LIMS1: variants seen among roughly 807,000 people sequenced by gnomAD.
LIMS1 encodes the protein LIM zinc finger domain containing 1, also known as LIM and senescent cell antigen-like-containing domain protein 1.
LIMS1 carries 18 observed loss-of-function variants against 44.1 expected under a neutral mutation model. That is an observed-to-expected ratio of 0.41 (90% CI 0.28 to 0.61). The LOEUF (loss-of-function observed/expected upper bound fraction) is 0.61. Ranked by LOEUF, LIMS1 falls within the 20% of genes least tolerant of loss-of-function variation. The pLI, the probability that LIMS1 is intolerant of heterozygous loss-of-function variation, is 0.32. For missense variants in LIMS1, 201 were observed against 422.0 expected (o/e 0.48, Z 4.59); for synonymous variants, 93 against 149.1 (o/e 0.62, Z 2.74).
intron 1 of LIMS1, among the ~76,000 whole-genome samples, chr2:108,607,898 G>A (rs1436803436): frequency 6.6e-6 from 1 of 152,188 alleles, no homozygotes; most frequent in Non-Finnish European, 1.5e-5. Flanking sequence ...TTGTGTGCCT[G>A]TAACATCTTC....
intron 1 of LIMS1, among the ~76,000 whole-genome samples, chr2:108,578,066 C>T (rs922996415): frequency 2.0e-5 from 3 of 152,152 alleles, no homozygotes; most frequent in Non-Finnish European, 2.9e-5. Context: ...TCCGCCACTG[C>T]GCCTGGCTAA....
At chr2:108,592,073 G>T (rs1490976982) in intron 1 of LIMS1, among the ~76,000 whole-genome samples, 1 of 152,148 alleles carries the variant, frequency 6.6e-6, no homozygotes, top group Non-Finnish European at 1.5e-5. Context: ...TGGATTACAG[G>T]TGTGAGCCAC....
In LIMS1 at chr2:108,680,769, A is replaced by G; in HGVS notation, c.898A>G (p.Lys300Glu). The stretch of plus-strand genomic sequence containing the variant: ...TACCTGCAACACTAAATTAACACTC[A>G]AGTAAGTGTACGGTTTTGTCCAGTG... Residue 300 changes from lysine to glutamate, a missense_variant and splice_region_variant, in exon 9 of 10, where the codon AAG (lysine) becomes GAG (glutamate). By Grantham distance (56) the Lys-to-Glu change is moderately conservative. Coordinates refer to ENST00000544547, the Ensembl canonical transcript of LIMS1. The G allele has an allele frequency of 6.2e-7, 1 of 1,609,892 alleles. No homozygotes were observed. The highest frequency in any genetic ancestry group is 1.1e-5 in the South Asian group (1 of 90,658).
intron 1 of LIMS1, among the ~76,000 whole-genome samples, chr2:108,547,756 T>G (rs1305542033): frequency 6.6e-6 from 1 of 152,204 alleles, no homozygotes; most frequent in Non-Finnish European, 1.5e-5. Flanking sequence ...ATACCAGCAT[T>G]TAAGGTCATT....
chr2:108,592,345 A>T (rs1686448228), intron 1 of LIMS1, among the ~76,000 whole-genome samples: 1 of 152,168 alleles, frequency 6.6e-6, no homozygotes, highest in Non-Finnish European at 1.5e-5. Context: ...TTTATACCCC[A>T]AATGTTGCCA....
intron 1 of LIMS1, among the ~76,000 whole-genome samples, chr2:108,552,934 A>G (rs1041318519): frequency 3.3e-5 from 5 of 152,102 alleles, no homozygotes; most frequent in Admixed American, 3.3e-4. Context: ...AGGCATAGAG[A>G]TAGATTGGGG....
chr2:108,584,052 A>T (rs1209659384), intron 1 of LIMS1, among the ~76,000 whole-genome samples: 1 of 152,122 alleles, frequency 6.6e-6, no homozygotes, highest in African/African-American at 2.4e-5. Context: ...CAAGGGATGG[A>T]TGGAAAAGGC....
chr2:108,623,217 GA>G (rs67168255), intron 1 of LIMS1, among the ~76,000 whole-genome samples: 56,169 of 151,120 alleles, frequency 0.37, 10,943 homozygotes, highest in Middle Eastern at 0.51. Context: ...TTTATGCCTG[GA>G]TTTTTTTTTT....
At position 108,675,713 on chromosome 2, in the gene LIMS1, A is replaced by G. The variant is rs182018090; in HGVS notation, c.531-165A>G. ...TTTGGTAGGAGTCTGAAACCTGTTCAGGCCTATTAATTCAGGTTATTCTGA... is the reference window on the plus strand; with the variant it reads ...TTTGGTAGGAGTCTGAAACCTGTTCGGGCCTATTAATTCAGGTTATTCTGA... On this transcript the variant is annotated intron_variant, in intron 5 of 9. Coordinates refer to ENST00000544547, the Ensembl canonical transcript of LIMS1. Among the ~76,000 whole-genome samples the G allele has an allele frequency of 4.5e-3, 681 of 152,304 alleles. 5 individuals carry two copies. Among genetic ancestry groups the G allele is most frequent in the South Asian group, 0.014 (69 of 4,826 alleles).
chr2:108,664,985 C>T (rs1449581593), intron 2 of LIMS1, among the ~76,000 whole-genome samples: 2 of 152,196 alleles, frequency 1.3e-5, no homozygotes, highest in Admixed American at 1.3e-4. Context: ...ATCTTACTAT[C>T]ATTAATTGCT....
intron 1 of LIMS1, among the ~76,000 whole-genome samples, chr2:108,620,161 G>A (rs1446173488): frequency 1.3e-5 from 2 of 152,164 alleles, no homozygotes; most frequent in African/African-American, 2.4e-5. Flanking sequence ...GGAATAAGAT[G>A]TAGACTTCCC....
At chr2:108,662,265 G>A in intron 2 of LIMS1, 1 of 1,612,070 alleles carries the variant, frequency 6.2e-7, no homozygotes, top group Admixed American at 1.7e-5. Context: ...TCATTAAGCA[G>A]CATGACCGCT....
chr2:108,677,050 T>C (rs1469641757), intron 7 of LIMS1: 1 of 209,480 alleles, frequency 4.8e-6, no homozygotes, highest in African/African-American at 2.3e-5. Context: ...CCCAAGAATA[T>C]GGGACTCTCT....
At chr2:108,550,118 T>C (rs923342445) in intron 1 of LIMS1, among the ~76,000 whole-genome samples, 1 of 152,184 alleles carries the variant, frequency 6.6e-6, no homozygotes, top group Non-Finnish European at 1.5e-5. Flanking sequence ...AAAAACAGGA[T>C]GTGAAACTAT....
chr2:108,572,961 T>G (rs1169390213), intron 1 of LIMS1, among the ~76,000 whole-genome samples: 1 of 152,220 alleles, frequency 6.6e-6, no homozygotes, highest in East Asian at 1.9e-4. Flanking sequence ...CGCAGCTTCC[T>G]GGGCCACATC....
chr2:108,653,044 C>G (rs1690611542), intron 1 of LIMS1, among the ~76,000 whole-genome samples: 1 of 152,168 alleles, frequency 6.6e-6, no homozygotes, highest in South Asian at 2.1e-4. Context: ...GGCTTTGGGC[C>G]TGGGCAGGAT....
intron 1 of LIMS1, among the ~76,000 whole-genome samples, chr2:108,543,166 C>T (rs923964431): frequency 3.3e-5 from 5 of 152,158 alleles, no homozygotes; most frequent in African/African-American, 4.8e-5. Context: ...CATGGTGGCT[C>T]ACACCTGTAA....
chr2:108,559,150 C>T (rs761297023), intron 1 of LIMS1, among the ~76,000 whole-genome samples: 3 of 152,162 alleles, frequency 2.0e-5, no homozygotes, highest in African/African-American at 7.2e-5. Flanking sequence ...TACCCTTAGA[C>T]ACTGGCTTTA....
intron 1 of LIMS1, among the ~76,000 whole-genome samples, chr2:108,555,359 A>G (rs967486953): frequency 4.6e-5 from 7 of 152,142 alleles, no homozygotes; most frequent in Admixed American, 1.3e-4. Context: ...GAGCAGAAAG[A>G]CAGAAGGAAC....
Sources: gnomAD v4.1 joint callset for allele counts (sites outside exome capture counted in the v4.1 genomes callset) on GRCh38, gnomAD v4.1.1 for gene constraint, MANE v1.5 for transcripts, NCBI Gene and HGNC (gene_info 2026-07-23, HGNC 2026-07-21) for gene names.